Variants in DNM3 observed in about 807,000 individuals in gnomAD.
DNM3 encodes dynamin 3.
Under a neutral mutation model 101.6 loss-of-function variants are expected in DNM3, and 47 were observed. That is an observed-to-expected ratio of 0.46 (90% CI 0.37 to 0.59). The LOEUF (loss-of-function observed/expected upper bound fraction) is 0.59, where lower values mean the gene tolerates loss of function less well. DNM3 is among the 20% of genes least tolerant of loss of function. The pLI, the probability that DNM3 is intolerant of heterozygous loss-of-function variation, is 0.00. For synonymous variants in DNM3, 385 were observed against 387.9 expected (o/e 0.99, Z 0.09); for missense variants, 849 against 1,085.7 (o/e 0.78, Z 3.06).
intron 14 of DNM3, among the ~76,000 whole-genome samples, chr1:172,182,004 CTATT>C (rs1285607111): frequency 1.3e-5 from 2 of 151,918 alleles, no homozygotes; most frequent in Non-Finnish European, 2.9e-5. Context: ...TTTATGAACT[CTATT>C]TAAAGATAAT....
chr1:172,144,732 T>C (rs2057784726), intron 14 of DNM3: 1 of 414,966 alleles, frequency 2.4e-6, no homozygotes, highest in Non-Finnish European at 5.0e-6. Flanking sequence ...CCCTGAATTC[T>C]GCTGCGCTGA....
At chr1:171,909,176 C>T (rs528102931) in intron 1 of DNM3, among the ~76,000 whole-genome samples, 1 of 152,160 alleles carries the variant, frequency 6.6e-6, no homozygotes, top group South Asian at 2.1e-4. Context: ...CATTGTGGCT[C>T]ACGCCTGTAA....
chr1:172,043,379 A>G (rs2049533151), intron 8 of DNM3, among the ~76,000 whole-genome samples: 1 of 152,164 alleles, frequency 6.6e-6, no homozygotes, highest in Non-Finnish European at 1.5e-5. Context: ...GCAGTTGAGT[A>G]GTTTTAGGGA....
rs115334690 is a variant in DNM3 at position 171,959,560 on chromosome 1, C to T, written c.236-28096C>T. 4.7e-3 allele frequency among the ~76,000 whole-genome samples: 710 copies of T among 152,188 alleles called. 6 individuals carry two copies. Among genetic ancestry groups the T allele is most frequent in the African/African-American group, 0.016 (669 of 41,528 alleles). ...TTGTAAGTCATAAATATACAGTTGT[C>T]TTTCAAACCAAAAAATGGATAAAAT... is the stretch of plus-strand genomic sequence containing the variant. On this transcript the variant is annotated intron_variant, in intron 2 of 20. Transcript: ENST00000627582.
intron 4 of DNM3, 64 bp from the exon 5 acceptor site, chr1:172,032,338 A>G: frequency 8.8e-7 from 1 of 1,137,712 alleles, no homozygotes. Flanking sequence ...GCATTGTGAC[A>G]TATATGTCTA....
intron 1 of DNM3, among the ~76,000 whole-genome samples, chr1:171,890,539 A>G (rs2037176937): frequency 1.3e-5 from 2 of 152,240 alleles, no homozygotes; most frequent in Non-Finnish European, 2.9e-5. Flanking sequence ...ACTGAATGAA[A>G]AAGTATTCAT....
chr1:171,877,460 A>G (rs185589023), intron 1 of DNM3, among the ~76,000 whole-genome samples: 1 of 152,172 alleles, frequency 6.6e-6, no homozygotes, highest in African/African-American at 2.4e-5. Flanking sequence ...TCCACAACAA[A>G]TCATTTTTGT....
At position 172,194,167 on chromosome 1, in the gene DNM3, G is replaced by A. The variant is rs749229268; in HGVS notation, c.1660-59406G>A. ...TTGTTCAGTTTCCATGTAGTTGAGC[G>A]GTTTTGAGTGAGTTTCTTAATCCTG... On this transcript the variant is annotated intron_variant, in intron 14 of 20. Coordinates refer to ENST00000627582, the MANE Select transcript of DNM3 (RefSeq NM_015569.5). Among the ~76,000 whole-genome samples the A allele has an allele frequency of 1.7e-3, 266 of 152,222 alleles. 1 individual carries two copies. Among genetic ancestry groups the A allele is most frequent in the Non-Finnish European group, 2.8e-3 (188 of 68,004 alleles).
chr1:171,867,387 C>T (rs2034862071), intron 1 of DNM3, among the ~76,000 whole-genome samples: 1 of 152,204 alleles, frequency 6.6e-6, no homozygotes, highest in African/African-American at 2.4e-5. Context: ...GTTCGTGCTT[C>T]AAACCTCACA....
intron 4 of DNM3, among the ~76,000 whole-genome samples, chr1:172,014,453 A>G (rs993688355): frequency 2.6e-5 from 4 of 152,132 alleles, no homozygotes; most frequent in Non-Finnish European, 5.9e-5. Context: ...CATCCTCACC[A>G]AATTTGGTAT....
intron 14 of DNM3, among the ~76,000 whole-genome samples, chr1:172,158,311 G>T (rs547363095): frequency 6.6e-6 from 1 of 152,116 alleles, no homozygotes; most frequent in South Asian, 2.1e-4. Context: ...GTGGTACAAT[G>T]ATGGGCATGG....
At chr1:172,047,247 G>A (rs1340671204) in intron 9 of DNM3, among the ~76,000 whole-genome samples, 2 of 152,120 alleles carry the variant, frequency 1.3e-5, no homozygotes, top group Non-Finnish European at 2.9e-5. Flanking sequence ...TATGAGCAAG[G>A]GAGGGAGACA....
chr1:172,022,674 A>G (rs2047929014), intron 4 of DNM3, among the ~76,000 whole-genome samples: 1 of 152,062 alleles, frequency 6.6e-6, no homozygotes, highest in African/African-American at 2.4e-5. Context: ...TCCAGAGGCT[A>G]CCACTTACAA....
intron 1 of DNM3, among the ~76,000 whole-genome samples, chr1:171,865,028 G>A (rs997680472): frequency 6.6e-6 from 1 of 152,010 alleles, no homozygotes; most frequent in Non-Finnish European, 1.5e-5. Context: ...AGACATTCTT[G>A]TAATTCATAA....
chr1:172,271,963 T>G (rs1573233592), intron 15 of DNM3, among the ~76,000 whole-genome samples: 1 of 152,148 alleles, frequency 6.6e-6, no homozygotes, highest in Non-Finnish European at 1.5e-5. Context: ...TTTCCAAAAC[T>G]CTAACACAAA....
chr1:172,316,063 A>T (rs986109154), intron 16 of DNM3, among the ~76,000 whole-genome samples: 9 of 152,240 alleles, frequency 5.9e-5, no homozygotes, highest in Non-Finnish European at 1.2e-4. Context: ...TACAAGCCAG[A>T]AGAGAGTGGG....
chr1:172,355,046 T>A (rs1249277632), intron 17 of DNM3, among the ~76,000 whole-genome samples: 5 of 152,170 alleles, frequency 3.3e-5, no homozygotes, highest in African/African-American at 1.2e-4. Context: ...GGTTCCTCAT[T>A]CTGTAATTTG....
chr1:172,040,980 G>A (rs2049340423), intron 7 of DNM3, among the ~76,000 whole-genome samples: 1 of 152,132 alleles, frequency 6.6e-6, no homozygotes, highest in East Asian at 1.9e-4. Context: ...ACCATAAAAT[G>A]CTGGGAGATG....
rs75797116 is a variant in DNM3, at chr1:171,907,873, C to G, written c.162-13875C>G. On this transcript the variant is annotated intron_variant, in intron 1 of 20. Coordinates refer to ENST00000627582, the MANE Select transcript of DNM3 (RefSeq NM_015569.5). ...AATTCTCTGCTATGTTCAATGATAA[C>G]TACTTTTTCATGTTGACATACAGAA... 9.0e-3 allele frequency among the ~76,000 whole-genome samples: 1,375 copies of G among 152,246 alleles called. 9 individuals carry two copies. The highest frequency in any genetic ancestry group is 0.048 in the Middle Eastern group (14 of 294).
Sources: gnomAD v4.1 joint callset for allele counts (sites outside exome capture counted in the v4.1 genomes callset) on GRCh38, gnomAD v4.1.1 for gene constraint, MANE v1.5 for transcripts, NCBI Gene and HGNC (gene_info 2026-07-23, HGNC 2026-07-21) for gene names.